The following IFNGR1 variants were observed in gnomAD, a reference collection of about 807,000 sequenced individuals.
IFNGR1 encodes interferon gamma receptor 1, also known as AVP, type 2.
Under a neutral mutation model 35.4 loss-of-function variants are expected in IFNGR1, and 23 were observed. That is an observed-to-expected ratio of 0.65 (90% CI 0.47 to 0.92). IFNGR1 has a LOEUF of 0.92. Among genes scored for constraint, IFNGR1 ranks in the 40% least tolerant of loss-of-function variants. The pLI is 0.00. For synonymous variants in IFNGR1, 199 were observed against 209.5 expected (o/e 0.95, Z 0.43); for missense variants, 533 against 583.4 (o/e 0.91, Z 0.89).
At chr6:137,219,129 G>C (rs1387783740) in intron 1 of IFNGR1, 114 bp downstream of exon 1, 1 of 1,386,556 alleles carries the variant, frequency 7.2e-7, no homozygotes, top group African/African-American at 1.4e-5. Context: ...GCCCGACGCA[G>C]GGGTCCCGGG....
chr6:137,198,725 A>T, intron 6 of IFNGR1, 86 bp from the exon 7 acceptor site: 2 of 1,011,184 alleles, frequency 2.0e-6, no homozygotes, highest in Non-Finnish European at 3.1e-6. Flanking sequence ...GAAGTAATGG[A>T]CCACCAAATG....
chr6:137,211,931 C>T (rs1335818957), intron 1 of IFNGR1, among the ~76,000 whole-genome samples: 1 of 152,156 alleles, frequency 6.6e-6, no homozygotes, highest in East Asian at 1.9e-4. Flanking sequence ...CTGAGCCTTC[C>T]TTCGGAGACC....
chr6:137,200,745 T>C (rs1779257976), intron 6 of IFNGR1, 136 bp downstream of exon 6: 3 of 736,468 alleles, frequency 4.1e-6, no homozygotes, highest in African/African-American at 1.8e-5. Flanking sequence ...TGATTTTGCA[T>C]GTGTGGTAGA....
Position 137,202,378 on chromosome 6 carries a change from T to G in IFNGR1, c.733+1121A>C, listed in dbSNP as rs78203337. Among the ~76,000 whole-genome samples, 1,210 of 152,318 alleles carry G rather than the reference T, an allele frequency of 7.9e-3. 12 individuals carry two copies. Among genetic ancestry groups the G allele is most frequent in the African/African-American group, 0.028 (1,166 of 41,558 alleles). ...ATTTTGAGCATTAAGAAGGGTTTTA[T>G]TTTTCAAATAGCATAACGAAAATTA... On this transcript the variant is annotated intron_variant, in intron 5 of 6. Coordinates refer to ENST00000367739, the MANE Select transcript of IFNGR1 (RefSeq NM_000416.3).
intron 1 of IFNGR1, among the ~76,000 whole-genome samples, chr6:137,213,694 G>A (rs567859966): frequency 2.0e-5 from 3 of 152,312 alleles, no homozygotes; most frequent in Admixed American, 1.3e-4. Flanking sequence ...AATAGCAGTC[G>A]TGATAGCTCT....
In IFNGR1 at chr6:137,208,377, C is replaced by T. The variant is rs144958090; in HGVS notation, c.86-1300G>A. Among the ~76,000 whole-genome samples, 2,485 of 152,294 alleles carry T rather than the reference C, an allele frequency of 0.016. 206 individuals carry two copies. In the South Asian group the frequency reaches 0.26, roughly 16 times the overall value. ...GCCTAATGTTAATCCCCAAGGCCAT[C>T]GAGAAAATGTCTCCAGGCCATGTCA... On this transcript the variant is annotated intron_variant, in intron 1 of 6. Transcript: ENST00000367739.
chr6:137,206,010 A>C, intron 3 of IFNGR1, 126 bp downstream of exon 3: 12 of 809,798 alleles, frequency 1.5e-5, no homozygotes, highest in Non-Finnish European at 2.5e-5. Context: ...TACTGACTCT[A>C]AATTCCTCCA....
In IFNGR1 at chr6:137,218,517, C is replaced by G. The variant is rs1026176283; in HGVS notation, c.85+726G>C. 4.7e-6 allele frequency: 6 copies of G among 1,289,038 alleles called. No individual in the cohort carries two copies. In the Admixed American group the frequency reaches 1.4e-4, roughly 30 times the overall value. 79.9% of individuals were successfully genotyped at this position (1,289,038 alleles called of 1,614,324 possible). A position where few individuals can be genotyped will look rare whatever the true frequency, so the allele number is the denominator to read the frequency against. On this transcript the variant is annotated intron_variant, in intron 1 of 6. Transcript: ENST00000367739. ...GACTGAGACCTAAGACGGACTGCCA[C>G]TTACTTCTCAGCTGCCACTTACTTC... is the stretch of plus-strand genomic sequence containing the variant.
chr6:137,198,929 T>C (rs1368449482), intron 6 of IFNGR1, among the ~76,000 whole-genome samples: 1 of 152,192 alleles, frequency 6.6e-6, no homozygotes, highest in African/African-American at 2.4e-5. Context: ...ATACAAAGTA[T>C]TGATCCTGGG....
At chr6:137,216,988 G>A (rs547502534) in intron 1 of IFNGR1, among the ~76,000 whole-genome samples, 2 of 152,306 alleles carry the variant, frequency 1.3e-5, no homozygotes, top group East Asian at 3.9e-4. Flanking sequence ...CTACAAGGAC[G>A]TGCAAATTGT....
At chr6:137,205,881 T>C (rs1779416224) in intron 3 of IFNGR1, among the ~76,000 whole-genome samples, 1 of 152,196 alleles carries the variant, frequency 6.6e-6, no homozygotes, top group Non-Finnish European at 1.5e-5. Flanking sequence ...CAGTTGAACA[T>C]TCTAAATCTG....
In IFNGR1 at chr6:137,198,166, G is replaced by T; in HGVS notation, c.1335C>A (p.Leu445=). The change falls in exon 7 of 7, where the codon CTC becomes CTA. Residue 445 remains leucine (L), a synonymous_variant. Transcript: ENST00000367739. The stretch of plus-strand genomic sequence containing the variant: ...AGGTGGGGGCTTTTATTACGGTTAT[G>T]AGCTCTTGTCCTTCTGTTTTTATTT... ...KGEIKTEGQE[L]ITVIKAPTSF... 1 of 1,614,132 alleles carries T rather than the reference G, an allele frequency of 6.2e-7. No homozygotes were observed. The highest frequency in any genetic ancestry group is 1.1e-5 in the South Asian group (1 of 91,078).
chr6:137,219,265 G>A lies in IFNGR1; in HGVS notation c.63C>T (p.Thr21=), dbSNP rs762138261. Residue 21 remains threonine, a synonymous_variant, in exon 1 of 7, where the codon ACC becomes ACT. Transcript: ENST00000367739. Reference sequence around the variant, plus strand: ...TACCTGAGGACGGCCCCAGATCCGCGGTGCCCATCTCAGCCCTGCTCACAC... The same window carrying A: ...TACCTGAGGACGGCCCCAGATCCGCAGTGCCCATCTCAGCCCTGCTCACAC... ...MQGVSRAEMG[T]ADLGPSSVPT... The A allele has an allele frequency of 7.4e-6, 12 of 1,611,484 alleles. No homozygotes were observed. The highest frequency in any genetic ancestry group is 1.0e-5 in the Non-Finnish European group (12 of 1,179,146).
intron 1 of IFNGR1, chr6:137,209,990 G>A: frequency 2.5e-6 from 1 of 397,980 alleles, no homozygotes. Context: ...TAAGACTTGA[G>A]TCACGTAAGA....
At chr6:137,215,304 T>C in intron 1 of IFNGR1, 1 of 1,549,446 alleles carries the variant, frequency 6.5e-7, no homozygotes, top group South Asian at 1.2e-5. Context: ...GACTATTTTC[T>C]GGTGACTTCA....
chr6:137,198,055 T>G lies in IFNGR1; in HGVS notation c.1446A>C (p.Thr482=). ...GKESLIGYRP[T]EDSKEFS is the part of the protein sequence containing the mutation. ...CTCATGAAAATTCTTTGGAATCTTC[T>G]GTTGGTCTATAACCAATCAAGGACT... Residue 482 remains threonine (T), a synonymous_variant, in exon 7 of 7, where the codon ACA becomes ACC. Coordinates refer to ENST00000367739, the MANE Select transcript of IFNGR1 (RefSeq NM_000416.3). 1 of 1,614,166 alleles carries G rather than the reference T, an allele frequency of 6.2e-7. No homozygotes were observed. The highest frequency in any genetic ancestry group is 1.3e-5 in the African/African-American group (1 of 75,072).
chr6:137,206,100 C>G (rs1562286578), intron 3 of IFNGR1, 36 bp downstream of exon 3: 1 of 1,549,312 alleles, frequency 6.5e-7, no homozygotes, highest in Non-Finnish European at 8.9e-7. Context: ...AAATATTTTC[C>G]AATTTAAAAT....
intron 1 of IFNGR1, among the ~76,000 whole-genome samples, chr6:137,212,356 C>G (rs1779596417): frequency 6.6e-6 from 1 of 152,200 alleles, no homozygotes; most frequent in South Asian, 2.1e-4. Flanking sequence ...CTCCTGGGTT[C>G]AAACGATTCT....
chr6:137,203,732 T>TAAA (rs1277455627), intron 4 of IFNGR1, 47 bp from the exon 5 acceptor site: 2 of 1,381,168 alleles, frequency 1.4e-6, no homozygotes, highest in South Asian at 1.4e-5. Flanking sequence ...TCTTTTAATC[T>TAAA]GAAAAAAAAA....
Sources: allele counts gnomAD v4.1 joint callset (sites outside exome capture counted in the v4.1 genomes callset), GRCh38; gene constraint gnomAD v4.1.1; transcripts MANE v1.5; gene names NCBI Gene and HGNC (gene_info 2026-07-23, HGNC 2026-07-21).